Variants in SLC4A4 observed in about 807,000 individuals in gnomAD.
The protein encoded by SLC4A4 is electrogenic sodium bicarbonate cotransporter 1.
Under a neutral mutation model 111.5 loss-of-function variants are expected in SLC4A4, and 27 were observed. The observed-to-expected ratio is 0.24, with a 90% CI of 0.18 to 0.33. The LOEUF (loss-of-function observed/expected upper bound fraction) is 0.33, where lower values mean the gene tolerates loss of function less well. Among genes scored for constraint, SLC4A4 ranks in the 10% least tolerant of loss-of-function variants. The pLI is 1.00. For synonymous variants in SLC4A4, 443 were observed against 463.4 expected (o/e 0.96, Z 0.57); for missense variants, 909 against 1,315.5 (o/e 0.69, Z 4.78).
At chr4:71,517,494 A>G (rs943599075) in intron 16 of SLC4A4, among the ~76,000 whole-genome samples, 1 of 151,934 alleles carries the variant, frequency 6.6e-6, no homozygotes, top group African/African-American at 2.4e-5. Context: ...TCTCTGTTAC[A>G]TTTCTAGTTT....
chr4:71,292,763 G>A (rs1040099612), intron 3 of SLC4A4, among the ~76,000 whole-genome samples: 1 of 150,742 alleles, frequency 6.6e-6, no homozygotes, highest in Non-Finnish European at 1.5e-5. Context: ...AGGTACAAAC[G>A]AAAGAGGAAA....
At chr4:71,309,313 C>T (rs577215565) in intron 3 of SLC4A4, among the ~76,000 whole-genome samples, 36 of 152,252 alleles carry the variant, frequency 2.4e-4, no homozygotes, top group African/African-American at 6.0e-4. Flanking sequence ...TCCTGCCTGC[C>T]GGCTCTGAAG....
intron 9 of SLC4A4, among the ~76,000 whole-genome samples, chr4:71,448,905 C>A (rs1021256163): frequency 1.3e-5 from 2 of 152,142 alleles, no homozygotes; most frequent in Non-Finnish European, 2.9e-5. Flanking sequence ...GGCTATGCTG[C>A]TTTTTCCCTT....
chr4:71,564,423 A>T (rs1737283789), intron 24 of SLC4A4, among the ~76,000 whole-genome samples: 1 of 151,856 alleles, frequency 6.6e-6, no homozygotes, highest in African/African-American at 2.4e-5. Flanking sequence ...TTTGCTTTCT[A>T]ATCTCTTCAT....
chr4:71,531,792 C>G, intron 16 of SLC4A4, among the ~76,000 whole-genome samples: 2 of 145,010 alleles, frequency 1.4e-5, no homozygotes, highest in African/African-American at 2.6e-5. Context: ...CACACACACA[C>G]ACACACACAC....
rs375144735 is a variant in SLC4A4 at position 71,221,438 on chromosome 4, G to T, written c.-1-15138G>T. Among the ~76,000 whole-genome samples, 6 of 152,264 alleles carry T rather than the reference G, an allele frequency of 3.9e-5. No individual in the cohort carries two copies. The East Asian group carries it at 7.7e-4, about 20-fold the overall frequency. Reference sequence around the variant, plus strand: ...TATGGCAAAGGATGACAAGCTCAGGGCATTTTCCCCCAAAGTGCAGTCAGT... The same window carrying T: ...TATGGCAAAGGATGACAAGCTCAGGTCATTTTCCCCCAAAGTGCAGTCAGT... On this transcript the variant is annotated intron_variant, in intron 1 of 25. Transcript: ENST00000264485.
chr4:71,393,684 C>T (rs1378785073), intron 6 of SLC4A4, among the ~76,000 whole-genome samples: 1 of 151,232 alleles, frequency 6.6e-6, no homozygotes, highest in African/African-American at 2.4e-5. Flanking sequence ...CATATGGGAC[C>T]AAAAAAAAGC....
chr4:71,204,144 G>A (rs1746377180), intron 1 of SLC4A4, among the ~76,000 whole-genome samples: 1 of 152,160 alleles, frequency 6.6e-6, no homozygotes, highest in Non-Finnish European at 1.5e-5. Flanking sequence ...AAGAAAACAT[G>A]TCCTTATGCT....
chr4:71,313,076 A>G (rs924239577), intron 3 of SLC4A4, among the ~76,000 whole-genome samples: 2 of 152,354 alleles, frequency 1.3e-5, no homozygotes, highest in African/African-American at 4.8e-5. Flanking sequence ...GAACTTCAGC[A>G]AAGTCTCAGG....
At chr4:71,293,542 G>A (rs1020743706) in intron 3 of SLC4A4, among the ~76,000 whole-genome samples, 1 of 147,638 alleles carries the variant, frequency 6.8e-6, no homozygotes, top group African/African-American at 2.6e-5. Context: ...CAGCCTGGGC[G>A]ACTCCGTCTA....
intron 3 of SLC4A4, among the ~76,000 whole-genome samples, chr4:71,262,865 CT>C (rs993968137): frequency 3.3e-4 from 48 of 146,236 alleles, no homozygotes; most frequent in African/African-American, 9.3e-4. Flanking sequence ...GCCAACAATT[CT>C]TTTTTTTTTG....
At chr4:71,204,651 G>T (rs1717640087) in intron 1 of SLC4A4, among the ~76,000 whole-genome samples, 1 of 152,048 alleles carries the variant, frequency 6.6e-6, no homozygotes, top group Non-Finnish European at 1.5e-5. Context: ...AGAAAACCTG[G>T]TGGAACTAGG....
intron 18 of SLC4A4, among the ~76,000 whole-genome samples, chr4:71,542,721 C>A (rs534609286): frequency 3.9e-5 from 6 of 152,174 alleles, no homozygotes; most frequent in African/African-American, 1.4e-4. Context: ...TGGATGCTTT[C>A]TTAGCACCCT....
intron 12 of SLC4A4, among the ~76,000 whole-genome samples, chr4:71,458,049 A>G (rs921510615): frequency 6.6e-6 from 1 of 152,028 alleles, no homozygotes; most frequent in Non-Finnish European, 1.5e-5. Flanking sequence ...AGTTGGTTGA[A>G]TCCACTGATG....
At position 71,549,668 on chromosome 4, in the gene SLC4A4, T is replaced by G. The variant is rs146826630; in HGVS notation, c.2694+1948T>G. On this transcript the variant is annotated intron_variant, in intron 20 of 25. Transcript: ENST00000264485. ...TTTTGTGTGTATATGTTACAGCAAA[T>G]TGGCTTTATTCCTAGAGAATCTGAC... is the stretch of plus-strand genomic sequence containing the variant. Among the ~76,000 whole-genome samples the G allele has an allele frequency of 4.1e-3, 616 of 152,018 alleles. 15 individuals are homozygous for G. The highest frequency in any genetic ancestry group is 0.028 in the Admixed American group (431 of 15,236).
rs114575481 is a variant in SLC4A4 at position 71,513,380 on chromosome 4, T to C, written c.2166+15688T>C. On this transcript the variant is annotated intron_variant, in intron 16 of 25. Transcript: ENST00000264485. The stretch of plus-strand genomic sequence containing the variant: ...ATTTATTCCTAGGTATTTTATTTTA[T>C]TGTATTGTATCTCTTGTAAATGCAA... Among the ~76,000 whole-genome samples the C allele has an allele frequency of 4.5e-3, 682 of 152,318 alleles. 6 individuals carry two copies. Among genetic ancestry groups the C allele is most frequent in the African/African-American group, 0.016 (660 of 41,570 alleles).
intron 2 of SLC4A4, among the ~76,000 whole-genome samples, chr4:71,173,444 G>A (rs890071089): frequency 1.3e-5 from 2 of 152,062 alleles, no homozygotes; most frequent in Admixed American, 6.5e-5. Flanking sequence ...GCAGTGGCAC[G>A]ATCTCAGCTC....
At chr4:71,115,678 A>AT (rs987210767) in intron 2 of SLC4A4, among the ~76,000 whole-genome samples, 3 of 152,178 alleles carry the variant, frequency 2.0e-5, no homozygotes, top group Non-Finnish European at 2.9e-5. Context: ...ACTAATACAG[A>AT]TTTTTTAAAA....
At position 71,342,858 on chromosome 4, in the gene SLC4A4, T is replaced by C. The variant is rs370501422; in HGVS notation, c.389+3353T>C. On this transcript the variant is annotated intron_variant, in intron 4 of 25. Transcript: ENST00000264485. ...TACCATCCTTAGAGACGTTATTTCC[T>C]TGGGAGCACGTGTGCCATTTTGCTG... is the stretch of plus-strand genomic sequence containing the variant. 4.7e-4 allele frequency among the ~76,000 whole-genome samples: 72 copies of C among 152,310 alleles called. 2 individuals are homozygous for C. In the South Asian group the frequency reaches 0.012, roughly 25 times the overall value.
Sources: gnomAD v4.1 joint callset for allele counts (sites outside exome capture counted in the v4.1 genomes callset) on GRCh38, gnomAD v4.1.1 for gene constraint, MANE v1.5 for transcripts, NCBI Gene and HGNC (gene_info 2026-07-23, HGNC 2026-07-21) for gene names.